Variants in KANSL1L observed in about 807,000 individuals in gnomAD.
KANSL1L encodes the protein KAT8 regulatory NSL complex subunit 1 like.
KANSL1L carries 25 observed loss-of-function variants against 108.6 expected under a neutral mutation model. The observed-to-expected ratio is 0.23, with a 90% confidence interval of 0.17 to 0.32. The LOEUF (loss-of-function observed/expected upper bound fraction) is 0.32. Among genes scored for constraint, KANSL1L ranks in the 10% least tolerant of loss-of-function variants. KANSL1L has a pLI of 1.00. For synonymous variants in KANSL1L, 405 were observed against 395.1 expected, an observed-to-expected ratio of 1.03 and a Z score of -0.30; for missense variants, 1,137 against 1,125.7, an observed-to-expected ratio of 1.01 and a Z score of -0.14.
intron 2 of KANSL1L, among the ~76,000 whole-genome samples, chr2:210,141,848 T>C (rs1189445216): frequency 6.6e-6 from 1 of 152,214 alleles, no homozygotes; most frequent in Non-Finnish European, 1.5e-5. Context: ...TGGTGTATCC[T>C]ACTTATTGAT....
intron 2 of KANSL1L, among the ~76,000 whole-genome samples, chr2:210,143,811 AATT>A (rs984409793): frequency 6.6e-6 from 1 of 152,104 alleles, no homozygotes; most frequent in African/African-American, 2.4e-5. Flanking sequence ...TCCTATGACA[AATT>A]ATTGTAGCTA....
chr2:210,157,210 G>T (rs746007012), intron 1 of KANSL1L, among the ~76,000 whole-genome samples: 20 of 152,052 alleles, frequency 1.3e-4, no homozygotes, highest in Non-Finnish European at 2.8e-4. Context: ...GCTTCTTGTT[G>T]ATGTTACAGC....
At chr2:210,161,531 T>C (rs1429547414) in intron 1 of KANSL1L, among the ~76,000 whole-genome samples, 1 of 152,224 alleles carries the variant, frequency 6.6e-6, no homozygotes, top group African/African-American at 2.4e-5. Context: ...TTTTTTTAGA[T>C]ATGACACCAA....
intron 3 of KANSL1L, among the ~76,000 whole-genome samples, chr2:210,122,268 A>G (rs2095028603): frequency 6.6e-6 from 1 of 152,188 alleles, no homozygotes; most frequent in South Asian, 2.1e-4. Flanking sequence ...GAATCACATT[A>G]ACTGACTTCA....
chr2:210,086,311 T>A (rs16844116), intron 5 of KANSL1L, among the ~76,000 whole-genome samples: 2,275 of 152,164 alleles, frequency 0.015, 69 homozygotes, highest in African/African-American at 0.052. Flanking sequence ...TAATACCCCA[T>A]GGGATAAACA....
chr2:210,156,913 GTA>G (rs894848357), intron 1 of KANSL1L, among the ~76,000 whole-genome samples: 4 of 150,624 alleles, frequency 2.7e-5, no homozygotes, highest in Admixed American at 1.3e-4. Flanking sequence ...ATGAGTTTCT[GTA>G]TGTCTCAAAA....
Position 210,154,134 on chromosome 2 carries a change from T to C in KANSL1L, c.449A>G (p.Gln150Arg). ...GGTTATATTTGAATCCAGAATAATT[T>C]GTACATCTTTCATGCACTGGCTCGT... ...DTTSQCMKDVQIILDSNITKD... is the reference protein window; with the variant it reads ...DTTSQCMKDVRIILDSNITKD... The change falls in exon 2 of 15, where the codon CAA (glutamine) becomes CGA (arginine). Residue 150 changes from glutamine to arginine, a missense_variant. By Grantham distance (43) the Gln-to-Arg change is conservative. Transcript: ENST00000281772. 6.2e-7 allele frequency: 1 copy of C among 1,614,146 alleles called. No homozygotes were observed. The highest frequency in any genetic ancestry group is 8.5e-7 in the Non-Finnish European group (1 of 1,179,990).
chr2:210,076,532 G>A (rs2094543435), intron 5 of KANSL1L, among the ~76,000 whole-genome samples: 1 of 151,984 alleles, frequency 6.6e-6, no homozygotes, highest in Non-Finnish European at 1.5e-5. Context: ...ACATTTCAGT[G>A]AATTTTGAAA....
intron 8 of KANSL1L, among the ~76,000 whole-genome samples, chr2:210,036,999 T>C (rs1280484478): frequency 6.6e-6 from 1 of 151,798 alleles, no homozygotes. Flanking sequence ...CAAGCGATCC[T>C]CCTGCCTCAG....
At chr2:210,072,565 T>C (rs1219438190) in intron 6 of KANSL1L, among the ~76,000 whole-genome samples, 1 of 152,202 alleles carries the variant, frequency 6.6e-6, no homozygotes, top group East Asian at 1.9e-4. Flanking sequence ...AGGATGAAAC[T>C]GTTCCACTTC....
At chr2:210,026,467 AT>A (rs1293390463) in intron 12 of KANSL1L, 4 of 152,238 alleles carry the variant, frequency 2.6e-5, no homozygotes, top group African/African-American at 9.6e-5. Flanking sequence ...ATGTGAGGCT[AT>A]TTTTAGTGTT....
chr2:210,091,700 T>G (rs1263792272), intron 5 of KANSL1L, among the ~76,000 whole-genome samples: 1 of 152,214 alleles, frequency 6.6e-6, no homozygotes, highest in African/African-American at 2.4e-5. Context: ...GTTATAGACT[T>G]TTTTTAGCCC....
At position 210,153,834 on chromosome 2, in the gene KANSL1L, G is replaced by C; in HGVS notation, c.749C>G (p.Ala250Gly). The change falls in exon 2 of 15, where the codon GCA (alanine) becomes GGA (glycine). Residue 250 changes from alanine (A) to glycine (G), a missense_variant. Around this residue, in one of 3 missense-constraint regions of KANSL1L, gnomAD observed 556 missense variants for 537.7 expected, o/e 1.03. Transcript: ENST00000281772. ...ACCATAGTGCTTAACAACATGCTTTGCCAGGAGCATCTGCAAATGTTTCTG... is the reference window on the plus strand; with the variant it reads ...ACCATAGTGCTTAACAACATGCTTTCCCAGGAGCATCTGCAAATGTTTCTG... The part of the protein sequence containing the change: ...RTQKHLQMLL[A>G]KHVVKHYGQQ... 6.2e-7 allele frequency: 1 copy of C among 1,612,682 alleles called. No individual in the cohort carries two copies. Among genetic ancestry groups the C allele is most frequent in the South Asian group, 1.1e-5 (1 of 90,740 alleles).
At chr2:210,038,927 CAT>C (rs879920343) in intron 8 of KANSL1L, among the ~76,000 whole-genome samples, 15 of 151,882 alleles carry the variant, frequency 9.9e-5, no homozygotes, top group Admixed American at 4.6e-4. Flanking sequence ...TCAGTGCTGA[CAT>C]ATAAATGATG....
In KANSL1L at chr2:210,031,501, C is replaced by A; in HGVS notation, c.2075G>T (p.Cys692Phe). 6.4e-7 allele frequency: 1 copy of A among 1,557,062 alleles called. No homozygotes were observed. The highest frequency in any genetic ancestry group is 8.8e-7 in the Non-Finnish European group (1 of 1,131,808). Residue 692 changes from cysteine to phenylalanine, a missense_variant, in exon 9 of 15, where the codon TGT (cysteine) becomes TTT (phenylalanine). Cys to Phe is a radical substitution (Grantham distance 205, BLOSUM62 -2). This residue lies in a region of KANSL1L where 575 missense variants were observed against 567.1 expected (regional missense o/e 1.01). Coordinates refer to ENST00000281772, the MANE Select transcript of KANSL1L (RefSeq NM_152519.4). ...AGATTCTGACCTTATTTGAGGCTTA[C>A]ATATAGGTGAATATCCATTTCTCCA... The part of the protein sequence containing the change: ...NQWRNGYSPI[C>F]KPQIRSESSA...
chr2:210,101,883 G>A (rs1021440774), intron 4 of KANSL1L, among the ~76,000 whole-genome samples: 3 of 152,114 alleles, frequency 2.0e-5, no homozygotes, highest in African/African-American at 4.8e-5. Flanking sequence ...GAAAAACTCA[G>A]GAAAATTAGA....
rs2095319117 is a variant in KANSL1L, at chr2:210,153,964, C to T, written c.619G>A (p.Val207Met). ...TCAGCAGCTGAAGAACTAACAGGCACATTTGAGTGGCCAGGTACAATTTTC... is the reference window on the plus strand; with the variant it reads ...TCAGCAGCTGAAGAACTAACAGGCATATTTGAGTGGCCAGGTACAATTTTC... ...QKKIVPGHSN[V>M]PVSSSAAEKE... The change falls in exon 2 of 15, where the codon GTG (valine) becomes ATG (methionine). Residue 207 changes from valine to methionine, a missense_variant. Coordinates refer to ENST00000281772, the MANE Select transcript of KANSL1L (RefSeq NM_152519.4). The T allele has an allele frequency of 6.2e-7, 1 of 1,613,482 alleles. No individual in the cohort carries two copies. Among genetic ancestry groups the T allele is most frequent in the Admixed American group, 1.7e-5 (1 of 60,002 alleles).
intron 6 of KANSL1L, among the ~76,000 whole-genome samples, chr2:210,058,836 CA>C (rs71043968): frequency 0.81 from 53,420 of 65,786 alleles, 20,780 homozygotes; most frequent in East Asian, 0.88. Flanking sequence ...GACTCCGTCT[CA>C]AAAAAAAAAA....
chr2:210,095,200 C>G (rs564515741), intron 5 of KANSL1L, among the ~76,000 whole-genome samples: 3 of 152,104 alleles, frequency 2.0e-5, no homozygotes, highest in East Asian at 1.9e-4. Flanking sequence ...CTTCCTTTCC[C>G]TTTATTTTAA....
Sources: gnomAD v4.1 joint callset for allele counts (sites outside exome capture counted in the v4.1 genomes callset) on GRCh38, gnomAD v4.1.1 for gene constraint, gnomAD v4.1.1 regional missense constraint, MANE v1.5 for transcripts, NCBI Gene and HGNC (gene_info 2026-07-23, HGNC 2026-07-21) for gene names.